MSH6: variants seen among roughly 807,000 people sequenced by gnomAD.
MSH6 encodes DNA mismatch repair protein Msh6.
MSH6 carries 85 observed loss-of-function variants against 119.1 expected under a neutral mutation model. The observed-to-expected ratio is 0.71, with a 90% CI of 0.60 to 0.85. The LOEUF (loss-of-function observed/expected upper bound fraction) is 0.85, where lower values mean the gene tolerates loss of function less well. MSH6 is among the 40% of genes least tolerant of loss of function. MSH6 has a pLI of 0.00. For synonymous variants in MSH6, 830 were observed against 586.9 expected (o/e 1.41, Z -5.99); for missense variants, 2,163 against 1,655.3 (o/e 1.31, Z -5.32).
In MSH6 at chr2:47,800,241, C is replaced by T. The variant is rs876660934; in HGVS notation, c.2258C>T (p.Ser753Phe). 4 of 1,614,118 alleles carry T rather than the reference C, an allele frequency of 2.5e-6. No homozygotes were observed. The highest frequency in any genetic ancestry group is 3.4e-6 in the Non-Finnish European group (4 of 1,179,996). ...ATTTTTCTGAATGGAACAAATGGTTCTACTGAAGGAACCCTACTAGAGAGG... is the reference window on the plus strand; with the variant it reads ...ATTTTTCTGAATGGAACAAATGGTTTTACTGAAGGAACCCTACTAGAGAGG... ...LEIFLNGTNG[S>F]TEGTLLERVD... The change falls in exon 4 of 10, where the codon TCT becomes TTT. Residue 753 changes from serine to phenylalanine, a missense_variant. By Grantham distance (155) the Ser-to-Phe change is radical. Transcript: ENST00000234420.
rs1057522077 is a variant in MSH6 at position 47,783,302 on chromosome 2, C to G, written c.69C>G (p.Ala23=). 3 of 1,612,118 alleles carry G rather than the reference C, an allele frequency of 1.9e-6. No individual in the cohort carries two copies. The highest frequency in any genetic ancestry group is 2.5e-6 in the Non-Finnish European group (3 of 1,179,556). The change falls in exon 1 of 10, where the codon GCC becomes GCG. Residue 23 remains alanine, a synonymous_variant. Transcript: ENST00000234420. ...CGGCGCTGAGTGATGCCAACAAGGC[C>G]TCGGCCAGGGCCTCACGCGAAGGCG... ...KSPALSDANK[A]SARASREGGR...
rs1669773070 is a variant in MSH6, at chr2:47,803,669, C to G, written c.3422C>G (p.Ser1141Cys). The G allele has an allele frequency of 6.2e-7, 1 of 1,614,168 alleles. No homozygotes were observed. The highest frequency in any genetic ancestry group is 8.5e-7 in the Non-Finnish European group (1 of 1,180,028). The part of the protein sequence containing the change: ...LVTGPNMGGK[S>C]TLMRQAGLLA... ...ACTGGACCAAATATGGGGGGCAAGTCTACGCTTATGAGACAGGTAACTGAT... is the reference window on the plus strand; with the variant it reads ...ACTGGACCAAATATGGGGGGCAAGTGTACGCTTATGAGACAGGTAACTGAT... Residue 1141 changes from serine to cysteine, a missense_variant, in exon 5 of 10, where the codon TCT (serine) becomes TGT (cysteine). Physicochemically the swap from Ser to Cys is moderately radical, Grantham distance 112. Coordinates refer to ENST00000234420, the MANE Select transcript of MSH6 (RefSeq NM_000179.3).
rs755878786 is a variant in MSH6 at position 47,798,880 on chromosome 2, G to T, written c.897G>T (p.Lys299Asn). ...ACAGCCCTGTCAAAGTTGCTCGAAA[G>T]CGGAAGAGAATGGTGACTGGAAATG... is the stretch of plus-strand genomic sequence containing the variant. ...GLNSPVKVAR[K>N]RKRMVTGNGS... The change falls in exon 4 of 10, where the codon AAG (lysine) becomes AAT (asparagine). Residue 299 changes from lysine (K) to asparagine (N), a missense_variant. Coordinates refer to ENST00000234420, the MANE Select transcript of MSH6 (RefSeq NM_000179.3). The T allele has an allele frequency of 2.5e-6, 4 of 1,614,162 alleles. No homozygotes were observed. In the South Asian group the frequency reaches 4.4e-5, roughly 18 times the overall value.
At position 47,805,608 on chromosome 2, in the gene MSH6, T is replaced by G. The variant is rs2104521319; in HGVS notation, c.3557-10T>G. On this transcript the variant is annotated splice_polypyrimidine_tract_variant and intron_variant, in intron 6 of 9. Transcript: ENST00000234420. ...AATGAGTATTCATTTGTGATTTTTTTTTTTTTAAGGTGAAAGTACATTTTT... is the reference window on the plus strand; with the variant it reads ...AATGAGTATTCATTTGTGATTTTTTGTTTTTTAAGGTGAAAGTACATTTTT... The G allele has an allele frequency of 6.3e-7, 1 of 1,598,742 alleles. No individual in the cohort carries two copies.
chr2:47,798,026 C>A, intron 3 of MSH6: 1 of 214,056 alleles, frequency 4.7e-6, no homozygotes, highest in Non-Finnish European at 9.8e-6. Context: ...GGCAGAGAAT[C>A]CTTGCCCTTC....
chr2:47,801,360 A>ATTTT (rs1220786181), intron 4 of MSH6: 379 of 58,002 alleles, frequency 6.5e-3, no homozygotes, highest in East Asian at 0.015. Context: ...GCCTTTCTTC[A>ATTTT]GTTTTTTTTT....
In MSH6 at chr2:47,803,431, T is replaced by C. The variant is rs2104471791; in HGVS notation, c.3184T>C (p.Cys1062Arg). 1 of 1,614,206 alleles carries C rather than the reference T, an allele frequency of 6.2e-7. No individual in the cohort carries two copies. Among genetic ancestry groups the C allele is most frequent in the Non-Finnish European group, 8.5e-7 (1 of 1,180,048 alleles). The change falls in exon 5 of 10, where the codon TGC (cysteine) becomes CGC (arginine). Residue 1062 changes from cysteine (C) to arginine (R), a missense_variant. Cys to Arg is a radical substitution (Grantham distance 180, BLOSUM62 -3). Transcript: ENST00000234420. ...ECIAVLDVLL[C>R]LANYSRGGDG... The stretch of plus-strand genomic sequence containing the variant: ...CTCTCTTTTAACAGATGTTTTACTG[T>C]GCCTGGCTAACTATAGTCGAGGGGG...
At chr2:47,793,555 C>T (rs1437899939) in intron 2 of MSH6, among the ~76,000 whole-genome samples, 3 of 150,084 alleles carry the variant, frequency 2.0e-5, no homozygotes, top group Non-Finnish European at 4.4e-5. Flanking sequence ...TGCAGTGAGC[C>T]GAGATCGCGC....
intron 2 of MSH6, among the ~76,000 whole-genome samples, chr2:47,792,839 TTA>T (rs1283285516): frequency 6.8e-6 from 1 of 146,178 alleles, no homozygotes; most frequent in East Asian, 2.0e-4. Context: ...TGGCTAATTT[TTA>T]TATAGTTTTT....
intron 5 of MSH6, 45 bp from the exon 6 acceptor site, chr2:47,804,865 C>T (rs942794075): frequency 2.8e-6 from 4 of 1,419,506 alleles, no homozygotes; most frequent in African/African-American, 1.4e-5. Flanking sequence ...GTTTATGAAA[C>T]TGTTACTACC....
chr2:47,784,313 ATATTT>A (rs2103961850), intron 1 of MSH6: 1 of 899,612 alleles, frequency 1.1e-6, no homozygotes, highest in Non-Finnish European at 1.3e-6. Flanking sequence ...CGAGTGGAAA[ATATTT>A]TATTTTATGA....
chr2:47,790,222 G>A (rs1668644364), intron 1 of MSH6, among the ~76,000 whole-genome samples: 1 of 152,184 alleles, frequency 6.6e-6, no homozygotes, highest in Non-Finnish European at 1.5e-5. Context: ...AGGAGTTTAA[G>A]ACGAGCCTGG....
Position 47,798,668 on chromosome 2 carries a change from G to GAGGA in MSH6, c.688_691dup (p.Val231GlyfsTer5). 1 of 1,613,616 alleles carries GAGGA rather than the reference G, an allele frequency of 6.2e-7. No individual in the cohort carries two copies. Among genetic ancestry groups the GAGGA allele is most frequent in the Non-Finnish European group, 8.5e-7 (1 of 1,179,980 alleles). ...AGAAGATAATGAAATTGAGAGTGAA[G>GAGGA]AGGAAGTACAGCCTAAGACACAAGG... On this transcript the variant is annotated frameshift_variant, in exon 4 of 10. Coordinates refer to ENST00000234420, the MANE Select transcript of MSH6 (RefSeq NM_000179.3). LOFTEE classifies it high-confidence loss of function.
chr2:47,791,247 C>G, intron 2 of MSH6, 124 bp downstream of exon 2: 1 of 869,650 alleles, frequency 1.1e-6, no homozygotes. Flanking sequence ...CAGTAAATTG[C>G]AAGGGGTGGC....
chr2:47,783,780 T>A, intron 1 of MSH6: 1 of 290,044 alleles, frequency 3.4e-6, no homozygotes, highest in Non-Finnish European at 4.6e-6. Context: ...TCCCGCCAGG[T>A]GGGGGTGCTG....
rs747521149 is a variant in MSH6 at position 47,783,197 on chromosome 2, C to G, written c.-37C>G. On this transcript the variant is annotated 5_prime_UTR_variant, in exon 1 of 10. Coordinates refer to ENST00000234420, the MANE Select transcript of MSH6 (RefSeq NM_000179.3). ...GTAGATGCGGTGCTTTTAGGAGCTC[C>G]GTCCGACAGAACGGTTGGGCCTTGC... is the stretch of plus-strand genomic sequence containing the variant. 3.1e-6 allele frequency: 5 copies of G among 1,609,454 alleles called. No individual in the cohort carries two copies. The highest frequency in any genetic ancestry group is 4.5e-5 in the East Asian group (2 of 44,372).
At chr2:47,802,082 A>AC (rs548864437) in intron 4 of MSH6, among the ~76,000 whole-genome samples, 18 of 152,368 alleles carry the variant, frequency 1.2e-4, no homozygotes, top group African/African-American at 4.3e-4. Context: ...CTGTTGATCC[A>AC]ACATTTAAAA....
chr2:47,798,508 C>T, intron 3 of MSH6, 103 bp from the exon 4 acceptor site: 1 of 1,188,802 alleles, frequency 8.4e-7, no homozygotes, highest in Non-Finnish European at 1.2e-6. Context: ...ACAGTGGCTG[C>T]ACGGGTACCA....
At chr2:47,785,804 G>A (rs189927253) in intron 1 of MSH6, among the ~76,000 whole-genome samples, 13 of 152,284 alleles carry the variant, frequency 8.5e-5, no homozygotes, top group Non-Finnish European at 4.4e-5. Context: ...TTTATTGTAA[G>A]GATGTACTTT....
Sources: allele counts gnomAD v4.1 joint callset (sites outside exome capture counted in the v4.1 genomes callset), GRCh38; gene constraint gnomAD v4.1.1; transcripts MANE v1.5; gene names NCBI Gene and HGNC (gene_info 2026-07-23, HGNC 2026-07-21).